GRIK1: variants seen among roughly 807,000 people sequenced by gnomAD.
GRIK1 encodes glutamate ionotropic receptor kainate type subunit 1.
In GRIK1, 69 loss-of-function variants were observed where a neutral mutation model predicts 105.7. That is an observed-to-expected ratio of 0.65 (90% CI 0.54 to 0.80). The LOEUF (loss-of-function observed/expected upper bound fraction) is 0.80, where lower values mean the gene tolerates loss of function less well. GRIK1 is among the 30% of genes least tolerant of loss of function. GRIK1 has a pLI of 0.00. For missense variants in GRIK1, 1,109 were observed against 1,167.3 expected, an observed-to-expected ratio of 0.95 and a Z score of 0.73; for synonymous variants, 438 against 431.3, an observed-to-expected ratio of 1.02 and a Z score of -0.19.
At chr21:29,754,279 A>C (rs1480241026) in intron 1 of GRIK1, among the ~76,000 whole-genome samples, 1 of 152,184 alleles carries the variant, frequency 6.6e-6, no homozygotes, top group Non-Finnish European at 1.5e-5. Flanking sequence ...AAAATAACTC[A>C]TGTGTGGGTG....
chr21:29,694,127 T>TC, intron 1 of GRIK1, 64 bp from the exon 2 acceptor site: 11 of 1,098,656 alleles, frequency 1.0e-5, no homozygotes, highest in East Asian at 8.0e-5. Flanking sequence ...ATTTTTTTTT[T>TC]TTTTTTTTTT....
intron 7 of GRIK1, 61 bp downstream of exon 7, chr21:29,642,765 C>A: frequency 6.6e-7 from 1 of 1,518,296 alleles, no homozygotes; most frequent in African/African-American, 1.4e-5. Flanking sequence ...AGGACCATAC[C>A]AAATGGGCAA....
At chr21:29,770,407 G>T (rs1170255382) in intron 1 of GRIK1, among the ~76,000 whole-genome samples, 1 of 152,154 alleles carries the variant, frequency 6.6e-6, no homozygotes, top group Non-Finnish European at 1.5e-5. Flanking sequence ...GGGTGCAGGG[G>T]TGCCGATGAC....
At chr21:29,931,013 C>T (rs2071546467) in intron 1 of GRIK1, among the ~76,000 whole-genome samples, 1 of 152,140 alleles carries the variant, frequency 6.6e-6, no homozygotes, top group Non-Finnish European at 1.5e-5. Flanking sequence ...TTTCTTAGCA[C>T]AGCTTTAGGT....
At position 29,692,868 on chromosome 21, in the gene GRIK1, CT is replaced by C. The variant is rs560969597; in HGVS notation, c.286+1027del. Among the ~76,000 whole-genome samples the C allele has an allele frequency of 3.0e-4, 45 of 152,300 alleles. 1 individual carries two copies. The South Asian group carries it at 8.5e-3, about 29-fold the overall frequency. ...GATTACCGGCATGAGCCACTGCGCC[CT>C]GCTATGTTGTTAATTTTTTATCTGT... On this transcript the variant is annotated intron_variant, in intron 2 of 17. Transcript: ENST00000327783.
At chr21:29,884,817 A>G (rs2069550244) in intron 1 of GRIK1, among the ~76,000 whole-genome samples, 1 of 152,070 alleles carries the variant, frequency 6.6e-6, no homozygotes, top group Admixed American at 6.6e-5. Flanking sequence ...CTATAGCTAC[A>G]TGCATAAAGT....
At chr21:29,842,313 A>G (rs1413365815) in intron 1 of GRIK1, among the ~76,000 whole-genome samples, 1 of 152,154 alleles carries the variant, frequency 6.6e-6, no homozygotes, top group Non-Finnish European at 1.5e-5. Context: ...AACTATACTG[A>G]GAATGGAAAA....
intron 1 of GRIK1, among the ~76,000 whole-genome samples, chr21:29,768,052 G>A (rs1361982711): frequency 1.3e-5 from 2 of 152,166 alleles, no homozygotes; most frequent in Non-Finnish European, 2.9e-5. Flanking sequence ...TGGAGGTGAC[G>A]GTGTAGAAAG....
chr21:29,615,492 A>G (rs1280079632), intron 7 of GRIK1, among the ~76,000 whole-genome samples: 3 of 152,046 alleles, frequency 2.0e-5, no homozygotes, highest in Non-Finnish European at 4.4e-5. Flanking sequence ...GTATTTTTGT[A>G]GAGACAGGGT....
At chr21:29,900,364 T>C (rs1450183894) in intron 1 of GRIK1, among the ~76,000 whole-genome samples, 3 of 151,342 alleles carry the variant, frequency 2.0e-5, no homozygotes, top group Admixed American at 2.0e-4. Flanking sequence ...CAAGACCCAT[T>C]GGTGTGCTGT....
At chr21:29,872,011 A>AC (rs2069030730) in intron 1 of GRIK1, among the ~76,000 whole-genome samples, 1 of 147,430 alleles carries the variant, frequency 6.8e-6, no homozygotes, top group Non-Finnish European at 1.5e-5. Context: ...CAATCCATCC[A>AC]CCCCAGCCTC....
chr21:29,855,345 G>GTCTGCAA (rs1048716399), intron 1 of GRIK1, among the ~76,000 whole-genome samples: 2 of 152,192 alleles, frequency 1.3e-5, no homozygotes, highest in African/African-American at 4.8e-5. Context: ...TACACAGTCT[G>GTCTGCAA]TCTGCAACTT....
chr21:29,922,744 A>G (rs2071231924), intron 1 of GRIK1, among the ~76,000 whole-genome samples: 2 of 152,310 alleles, frequency 1.3e-5, no homozygotes, highest in South Asian at 2.1e-4. Context: ...TTGCTGTTGT[A>G]TTCCTCGGCC....
At chr21:29,939,242 G>C in intron 1 of GRIK1, 141 bp downstream of exon 1, 1 of 571,364 alleles carries the variant, frequency 1.8e-6, no homozygotes. Flanking sequence ...TTTTTGTGTA[G>C]CCTCCCATGA....
intron 1 of GRIK1, among the ~76,000 whole-genome samples, chr21:29,808,816 T>C (rs2066931733): frequency 6.6e-6 from 1 of 152,162 alleles, no homozygotes; most frequent in South Asian, 2.1e-4. Flanking sequence ...TAATTTTCCT[T>C]AGCCCCCCAT....
At chr21:29,596,185 G>A in intron 9 of GRIK1, 1 of 391,934 alleles carries the variant, frequency 2.6e-6, no homozygotes, top group East Asian at 6.2e-5. Flanking sequence ...AATATTTAGT[G>A]ATTTGAGAAG....
chr21:29,936,469 A>T (rs1024361708), intron 1 of GRIK1, among the ~76,000 whole-genome samples: 1 of 152,226 alleles, frequency 6.6e-6, no homozygotes, highest in Non-Finnish European at 1.5e-5. Context: ...AACTAATTAC[A>T]TATGTCAACT....
intron 1 of GRIK1, among the ~76,000 whole-genome samples, chr21:29,847,940 C>T (rs1019655081): frequency 6.6e-6 from 1 of 152,100 alleles, no homozygotes; most frequent in Non-Finnish European, 1.5e-5. Flanking sequence ...CACACACACA[C>T]ATGCACATGT....
chr21:29,732,718 G>A (rs938569636), intron 1 of GRIK1, among the ~76,000 whole-genome samples: 6 of 152,168 alleles, frequency 3.9e-5, no homozygotes, highest in South Asian at 4.1e-4. Flanking sequence ...AGATGTATTT[G>A]TGGATATGCT....
Sources: gnomAD v4.1 joint callset for allele counts (sites outside exome capture counted in the v4.1 genomes callset) on GRCh38, gnomAD v4.1.1 for gene constraint, MANE v1.5 for transcripts, NCBI Gene and HGNC (gene_info 2026-07-23, HGNC 2026-07-21) for gene names.